The following TENM3 variants were observed in gnomAD, a reference collection of about 807,000 sequenced individuals.
TENM3 encodes the protein teneurin-3.
In TENM3, 63 loss-of-function variants were observed where a neutral mutation model predicts 255.1. The observed-to-expected ratio is 0.25, with a 90% confidence interval of 0.20 to 0.30. The LOEUF is 0.30. Among genes scored for constraint, TENM3 ranks in the 10% least tolerant of loss-of-function variants. The pLI, the probability that TENM3 is intolerant of heterozygous loss-of-function variation, is 1.00. For missense variants in TENM3, 2,929 were observed against 3,461.1 expected, an observed-to-expected ratio of 0.85 and a Z score of 3.86; for synonymous variants, 1,306 against 1,322.3, an observed-to-expected ratio of 0.99 and a Z score of 0.27.
chr4:182,237,365 A>ATTCTGTT (rs1579840981), intron 1 of TENM3, among the ~76,000 whole-genome samples: 1 of 113,324 alleles, frequency 8.8e-6, no homozygotes, highest in East Asian at 2.1e-4. Context: ...AAACCCAGAC[A>ATTCTGTT]TTCTGTTTTC....
At position 182,799,985 on chromosome 4, in the gene TENM3, G is replaced by T. The variant is rs769349124; in HGVS notation, c.7734G>T (p.Thr2578=). 3.1e-6 allele frequency: 5 copies of T among 1,591,762 alleles called. No homozygotes were observed. The highest frequency in any genetic ancestry group is 3.5e-5 in the Admixed American group (2 of 56,756). Reference sequence around the variant, plus strand: ...CGCTGGAGAACGGCATCAACGTGACGGTGTCGCAGTCCACCACGGTGGTGA... The same window carrying T: ...CGCTGGAGAACGGCATCAACGTGACTGTGTCGCAGTCCACCACGGTGGTGA... ...RKALENGINV[T]VSQSTTVVNG... The change falls in exon 28 of 28, where the codon ACG becomes ACT. Residue 2578 remains threonine, a synonymous_variant. Transcript: ENST00000511685. This position sits in a 1 kb window ranked among gnomAD's most constrained non-coding sequence, Gnocchi z 4.2.
rs940906761 is a variant in TENM3, at chr4:182,554,386, T to C, written c.512-46538T>C. Among the ~76,000 whole-genome samples the C allele has an allele frequency of 1.3e-5, 2 of 152,296 alleles. 1 individual carries two copies. The highest frequency in any genetic ancestry group is 4.1e-4 in the South Asian group (2 of 4,832). On this transcript the variant is annotated intron_variant, in intron 3 of 27. Coordinates refer to ENST00000511685, the MANE Select transcript of TENM3 (RefSeq NM_001080477.4). The stretch of plus-strand genomic sequence containing the variant: ...CTTGCGAAAATCAAGTTTTATAGTG[T>C]GATTGAACAATTAGTTGAACTACAT...
chr4:182,775,978 A>ATT (rs1296064642), intron 24 of TENM3, among the ~76,000 whole-genome samples: 1 of 152,002 alleles, frequency 6.6e-6, no homozygotes, highest in Non-Finnish European at 1.5e-5. Context: ...AGATAGATAG[A>ATT]TTATATATAT....
At chr4:181,454,668 A>ATACTTTTTTTTTTTTTTTTTTT in the TENM3 span, among the ~76,000 whole-genome samples, 1 of 88,176 alleles carries the variant, frequency 1.1e-5, no homozygotes, top group Non-Finnish European at 2.2e-5. Flanking sequence ...TATGTTTTTT[A>ATACTTTTTTTTTTTTTTTTTTT]TACCATTTTT....
At chr4:181,801,015 T>C in the TENM3 span, among the ~76,000 whole-genome samples, 1 of 152,268 alleles carries the variant, frequency 6.6e-6, no homozygotes, top group African/African-American at 2.4e-5. Flanking sequence ...AATTGTGTTA[T>C]GGCGAGTTGG....
chr4:181,677,364 CT>C, the TENM3 span, among the ~76,000 whole-genome samples: 1 of 152,132 alleles, frequency 6.6e-6, no homozygotes, highest in Non-Finnish European at 1.5e-5. Context: ...CCCTGCTCCT[CT>C]TTCAGAGTCA....
chr4:182,281,919 A>T (rs542645498), intron 1 of TENM3, among the ~76,000 whole-genome samples: 1 of 152,196 alleles, frequency 6.6e-6, no homozygotes, highest in African/African-American at 2.4e-5. Context: ...TATTTTTAGT[A>T]GAGACAGGGT....
intron 1 of TENM3, among the ~76,000 whole-genome samples, chr4:182,202,636 C>T (rs1005304914): frequency 7.2e-5 from 11 of 152,052 alleles, no homozygotes; most frequent in African/African-American, 7.2e-5. Context: ...AGGTCCAATT[C>T]CACTGCTTCG....
chr4:181,850,110 A>G, the TENM3 span, among the ~76,000 whole-genome samples: 1 of 149,724 alleles, frequency 6.7e-6, no homozygotes, highest in Admixed American at 6.6e-5. Flanking sequence ...TTTCCTTCCC[A>G]TATTTCCCAA....
the TENM3 span, among the ~76,000 whole-genome samples, chr4:181,910,608 AT>A: frequency 2.7e-5 from 4 of 148,820 alleles, no homozygotes; most frequent in Admixed American, 6.8e-5. Flanking sequence ...ATATATATAT[AT>A]AAATACACGT....
chr4:182,020,180 C>G, the TENM3 span, among the ~76,000 whole-genome samples: 1 of 151,870 alleles, frequency 6.6e-6, no homozygotes, highest in African/African-American at 2.4e-5. Context: ...GTCTGGCCAG[C>G]ATGGTGAAAC....
chr4:182,383,475 A>T (rs1561389098), intron 3 of TENM3, among the ~76,000 whole-genome samples: 2 of 145,530 alleles, frequency 1.4e-5, no homozygotes, highest in African/African-American at 4.9e-5. Context: ...ATTTTTATTT[A>T]TTTTTTTAAA....
intron 5 of TENM3, among the ~76,000 whole-genome samples, chr4:182,634,445 A>C (rs140169873): frequency 2.0e-3 from 311 of 152,266 alleles, no homozygotes; most frequent in African/African-American, 7.1e-3. Flanking sequence ...GTTTTTAAAA[A>C]TCAAATGTAC....
At chr4:182,037,371 C>T in the TENM3 span, among the ~76,000 whole-genome samples, 1 of 152,178 alleles carries the variant, frequency 6.6e-6, no homozygotes. Context: ...TGGTCTCAAA[C>T]CCCTGACCTC....
At chr4:182,324,391 A>G (rs1763261356) in intron 2 of TENM3, 139 bp downstream of exon 2, 1 of 689,592 alleles carries the variant, frequency 1.5e-6, no homozygotes, top group Non-Finnish European at 2.5e-6. Context: ...ATATTAGATC[A>G]TCATGCAGTA....
At chr4:182,574,085 C>T (rs1265910607) in intron 3 of TENM3, among the ~76,000 whole-genome samples, 2 of 152,124 alleles carry the variant, frequency 1.3e-5, no homozygotes, top group Admixed American at 6.5e-5. Flanking sequence ...ATACTGCCTT[C>T]TCCATTCATG....
At chr4:181,761,865 T>C in the TENM3 span, among the ~76,000 whole-genome samples, 7 of 152,174 alleles carry the variant, frequency 4.6e-5, no homozygotes, top group African/African-American at 1.4e-4. Context: ...AAGTGTACAA[T>C]ATGTTTGTGT....
the TENM3 span, among the ~76,000 whole-genome samples, chr4:181,626,325 G>C: frequency 6.6e-6 from 1 of 152,194 alleles, no homozygotes; most frequent in East Asian, 1.9e-4. Flanking sequence ...GGACAGGAAG[G>C]TGGATAGGGA....
chr4:181,667,312 C>A, the TENM3 span, among the ~76,000 whole-genome samples: 1 of 152,138 alleles, frequency 6.6e-6, no homozygotes, highest in Non-Finnish European at 1.5e-5. Context: ...CACTTCCAGA[C>A]TGGTCATCCA....
Sources: allele counts gnomAD v4.1 joint callset (sites outside exome capture counted in the v4.1 genomes callset), GRCh38; gene constraint gnomAD v4.1.1; non-coding constraint Gnocchi (gnomAD v3.1); transcripts MANE v1.5; gene names NCBI Gene and HGNC (gene_info 2026-07-23, HGNC 2026-07-21).